The following REXO1 variants were observed in gnomAD, a reference collection of about 807,000 sequenced individuals.
REXO1 encodes REX1, RNA exonuclease 1 homolog.
REXO1 carries 42 observed loss-of-function variants against 102.6 expected under a neutral mutation model. The ratio of observed to expected loss-of-function variants is 0.41; its 90% CI spans 0.32 to 0.53. REXO1 has a LOEUF of 0.53. Ranked by LOEUF, REXO1 falls within the 20% of genes least tolerant of loss-of-function variation. REXO1 has a pLI of 0.27. For missense variants in REXO1, 1,819 were observed against 1,732.5 expected, an observed-to-expected ratio of 1.05 and a Z score of -0.89; for synonymous variants, 908 against 779.1, an observed-to-expected ratio of 1.17 and a Z score of -2.76.
intron 10 of REXO1, 114 bp from the exon 11 acceptor site, chr19:1,817,894 G>C: frequency 2.5e-6 from 2 of 791,174 alleles, no homozygotes; most frequent in East Asian, 2.7e-5. Context: ...CTGAGGACAG[G>C]AGGCCTCAGC....
At position 1,816,697 on chromosome 19, in the gene REXO1, C is replaced by T; in HGVS notation, c.3317+1G>A. 1 of 1,612,054 alleles carries T rather than the reference C, an allele frequency of 6.2e-7. No homozygotes were observed. The highest frequency in any genetic ancestry group is 8.5e-7 in the Non-Finnish European group (1 of 1,179,326). On this transcript the variant is annotated splice_donor_variant, in intron 13 of 15. Coordinates refer to ENST00000170168, the MANE Select transcript of REXO1 (RefSeq NM_020695.4). LOFTEE classifies it high-confidence loss of function. ...CAGCTCGTGGAGGGCACTGGCCACA[C>T]CTGGTGTTGTAGTCCACGATCTCGT...
rs1008823774 is a variant in REXO1 at position 1,828,532 on chromosome 19, A to G, written c.257T>C (p.Leu86Pro). 1 of 1,604,608 alleles carries G rather than the reference A, an allele frequency of 6.2e-7. No individual in the cohort carries two copies. The highest frequency in any genetic ancestry group is 8.5e-7 in the Non-Finnish European group (1 of 1,179,836). The change falls in exon 2 of 16, where the codon CTG becomes CCG. Residue 86 changes from leucine to proline, a missense_variant. Physicochemically the swap from Leu to Pro is moderately conservative, Grantham distance 98 (BLOSUM62 -3). Coordinates refer to ENST00000170168, the MANE Select transcript of REXO1 (RefSeq NM_020695.4). ...GLGEEPRPDV[L>P]ELELVNQAIE... ...GGCCTGGTTGACCAGCTCCAACTCCAGCACATCCGGGCGCGGCTCCTCCCC... is the reference window on the plus strand; with the variant it reads ...GGCCTGGTTGACCAGCTCCAACTCCGGCACATCCGGGCGCGGCTCCTCCCC...
chr19:1,819,953 G>C lies in REXO1; in HGVS notation c.2631C>G (p.Ser877Arg), dbSNP rs201222183. The C allele has an allele frequency of 1.9e-6, 3 of 1,588,138 alleles. No individual in the cohort carries two copies. The African/African-American group carries it at 4.1e-5, about 22-fold the overall frequency. Reference protein sequence around the residue: ...TLKKLRGLAPSAVPGLSKTSG... With the variant: ...TLKKLRGLAPRAVPGLSKTSG... ...ACTCACTGCTGAGGCCGGGCACAGC[G>C]CTGGGGGCCAGGCCCCTGAGCTTCT... Residue 877 changes from serine to arginine, a missense_variant, in exon 7 of 16, where the codon AGC (serine) becomes AGG (arginine). Transcript: ENST00000170168.
chr19:1,846,185 G>A lies in REXO1; in HGVS notation c.157+2017C>T, dbSNP rs559884300. 3.9e-5 allele frequency among the ~76,000 whole-genome samples: 6 copies of A among 152,314 alleles called. No individual in the cohort carries two copies. The East Asian group carries it at 7.7e-4, about 20-fold the overall frequency. On this transcript the variant is annotated intron_variant, in intron 1 of 15. Transcript: ENST00000170168. ...GAAGACATGGCAAAGGCTAGATCAC[G>A]CCAGCCTCTTCAAATCTCATAGGAA... is the stretch of plus-strand genomic sequence containing the variant.
At chr19:1,835,613 C>G (rs2070018251) in intron 1 of REXO1, among the ~76,000 whole-genome samples, 1 of 152,170 alleles carries the variant, frequency 6.6e-6, no homozygotes, top group South Asian at 2.1e-4. Context: ...GTAGGAGGGG[C>G]CCGTCCAGGC....
intron 11 of REXO1, 152 bp downstream of exon 11, chr19:1,817,555 G>A (rs779003850): frequency 1.4e-6 from 2 of 1,447,120 alleles, no homozygotes; most frequent in Non-Finnish European, 1.8e-6. Context: ...GGGGCCTACG[G>A]GTGCTACGTT....
chr19:1,835,740 C>G (rs2070021316), intron 1 of REXO1, among the ~76,000 whole-genome samples: 1 of 152,136 alleles, frequency 6.6e-6, no homozygotes, highest in East Asian at 1.9e-4. Flanking sequence ...AAAAGCCTAC[C>G]TCCAGAGGCC....
rs369489071 is a variant in REXO1 at position 1,827,985 on chromosome 19, G to A, written c.804C>T (p.Tyr268=). ...RPRGSRGSEP[Y]TPAPKKLCDP... is the part of the protein sequence containing the mutation. ...CACAGAGCTTCTTGGGAGCAGGTGT[G>A]TAGGGCTCACTGCCGCGGGAGCCCC... Residue 268 remains tyrosine (Y), a synonymous_variant, in exon 2 of 16, where the codon TAC becomes TAT. Transcript: ENST00000170168. 2.9e-5 allele frequency: 46 copies of A among 1,613,504 alleles called. No homozygotes were observed. The African/African-American group carries it at 4.1e-4, about 14-fold the overall frequency.
intron 1 of REXO1, among the ~76,000 whole-genome samples, chr19:1,842,850 T>C (rs1004560288): frequency 6.6e-6 from 1 of 152,156 alleles, no homozygotes; most frequent in Non-Finnish European, 1.5e-5. Context: ...GGCCAGAAAA[T>C]AGTACCTTCA....
At chr19:1,835,634 G>A (rs1300519254) in intron 1 of REXO1, among the ~76,000 whole-genome samples, 3 of 152,162 alleles carry the variant, frequency 2.0e-5, no homozygotes, top group African/African-American at 4.8e-5. Context: ...CCCGTCCCAC[G>A]GCTGGGAATT....
At position 1,847,118 on chromosome 19, in the gene REXO1, C is replaced by A. The variant is rs376575320; in HGVS notation, c.157+1084G>T. On this transcript the variant is annotated intron_variant, in intron 1 of 15. Coordinates refer to ENST00000170168, the MANE Select transcript of REXO1 (RefSeq NM_020695.4). ...TCTGAATCCCCCGCCTCAAACACAG[C>A]GAAGACGCTGGGCTGTGGGGAGCTG... Among the ~76,000 whole-genome samples the A allele has an allele frequency of 2.6e-5, 4 of 152,176 alleles. No homozygotes were observed. The East Asian group carries it at 5.8e-4, about 22-fold the overall frequency.
At chr19:1,846,023 A>G (rs778175597) in intron 1 of REXO1, among the ~76,000 whole-genome samples, 6 of 152,220 alleles carry the variant, frequency 3.9e-5, no homozygotes, top group Non-Finnish European at 7.3e-5. Flanking sequence ...AGCACAGAGC[A>G]TGGCCCCACA....
intron 1 of REXO1, among the ~76,000 whole-genome samples, chr19:1,846,236 G>A (rs1292153798): frequency 1.3e-5 from 2 of 152,214 alleles, no homozygotes; most frequent in Non-Finnish European, 2.9e-5. Context: ...ATCTGGAGGT[G>A]TGGACATGGG....
At position 1,828,439 on chromosome 19, in the gene REXO1, C is replaced by T. The variant is rs759875382; in HGVS notation, c.350G>A (p.Arg117His). The T allele has an allele frequency of 1.9e-5, 30 of 1,608,836 alleles. No individual in the cohort carries two copies. Among genetic ancestry groups the T allele is most frequent in the East Asian group, 4.5e-5 (2 of 44,842 alleles). The change falls in exon 2 of 16, where the codon CGT becomes CAT. Residue 117 changes from arginine (R) to histidine (H), a missense_variant. Coordinates refer to ENST00000170168, the MANE Select transcript of REXO1 (RefSeq NM_020695.4). The stretch of plus-strand genomic sequence containing the variant: ...GGGGGCCTCGGCGGAGCGGTGCTCA[C>T]GGGTCGTCTCCAGCAGCTCCCGGTA... ...RRYRELLETT[R>H]EHRSAEAPAL...
chr19:1,839,878 C>T (rs1334778102), intron 1 of REXO1, among the ~76,000 whole-genome samples: 1 of 152,220 alleles, frequency 6.6e-6, no homozygotes, highest in Admixed American at 6.5e-5. Context: ...CCGTGGTGCA[C>T]GGGGCGGTGG....
rs115944159 is a variant in REXO1, at chr19:1,834,245, T to C, written c.158-5614A>G. 7.7e-3 allele frequency among the ~76,000 whole-genome samples: 1,165 copies of C among 152,132 alleles called. 14 individuals are homozygous for C. Among genetic ancestry groups the C allele is most frequent in the African/African-American group, 0.026 (1,070 of 41,496 alleles). ...GGAAGGAAATTCAGACCTCTGGACA[T>C]TGTGGACTCTGAAAGGAGAGACCAT... On this transcript the variant is annotated intron_variant, in intron 1 of 15. Coordinates refer to ENST00000170168, the MANE Select transcript of REXO1 (RefSeq NM_020695.4).
Position 1,827,402 on chromosome 19 carries a change from C to A in REXO1, c.1387G>T (p.Gly463Trp), listed in dbSNP as rs754221589. The A allele has an allele frequency of 1.3e-6, 2 of 1,541,934 alleles. No homozygotes were observed. The highest frequency in any genetic ancestry group is 2.4e-5 in the South Asian group (2 of 84,472). ...CTGCCGGCCGCCGGTCGGGAGTCCCCGCTTGTGGGGCTCGGCCGCCGCGCT... is the reference window on the plus strand; with the variant it reads ...CTGCCGGCCGCCGGTCGGGAGTCCCAGCTTGTGGGGCTCGGCCGCCGCGCT... ...RPARRPSPTSGDSRPAAGRGP... is the reference protein window; with the variant it reads ...RPARRPSPTSWDSRPAAGRGP... The change falls in exon 2 of 16, where the codon GGG becomes TGG. Residue 463 changes from glycine (G) to tryptophan (W), a missense_variant. Gly to Trp is a radical substitution (Grantham distance 184). Transcript: ENST00000170168.
chr19:1,839,843 CCCTCACCTCA>C (rs1376712317), intron 1 of REXO1, among the ~76,000 whole-genome samples: 1 of 152,216 alleles, frequency 6.6e-6, no homozygotes, highest in African/African-American at 2.4e-5. Flanking sequence ...CATGGTGGAG[CCCTCACCTCA>C]CTCCACCTCC....
intron 6 of REXO1, 27 bp from the exon 7 acceptor site, chr19:1,820,084 G>C: frequency 6.3e-7 from 1 of 1,593,368 alleles, no homozygotes; most frequent in Non-Finnish European, 8.5e-7. Flanking sequence ...GCCCAGCTGA[G>C]GCCATGCCTG....
Sources: allele counts gnomAD v4.1 joint callset (sites outside exome capture counted in the v4.1 genomes callset), GRCh38; gene constraint gnomAD v4.1.1; transcripts MANE v1.5; gene names NCBI Gene and HGNC (gene_info 2026-07-23, HGNC 2026-07-21).